The following SMAD1 variants were observed in gnomAD, a reference collection of about 807,000 sequenced individuals.
SMAD1 encodes MAD, mothers against decapentaplegic homolog 1.
In SMAD1, 6 loss-of-function variants were observed where a neutral mutation model predicts 41.6. That is an observed-to-expected ratio of 0.14 (90% CI 0.08 to 0.28). The LOEUF is 0.28. Ranked by LOEUF, SMAD1 falls within the 10% of genes least tolerant of loss-of-function variation. SMAD1 has a pLI of 1.00. For synonymous variants in SMAD1, 206 were observed against 203.2 expected (o/e 1.01, Z -0.12); for missense variants, 379 against 582.6 (o/e 0.65, Z 3.60).
chr4:145,530,427 G>A (rs1287323320), intron 2 of SMAD1, among the ~76,000 whole-genome samples: 1 of 152,148 alleles, frequency 6.6e-6, no homozygotes, highest in African/African-American at 2.4e-5. Context: ...GACGTTCTGT[G>A]GGTGCCCAGA....
At chr4:145,485,294 T>C (rs529697373) in intron 1 of SMAD1, among the ~76,000 whole-genome samples, 1 of 152,338 alleles carries the variant, frequency 6.6e-6, no homozygotes, top group South Asian at 2.1e-4. Flanking sequence ...CAGGCTGGTC[T>C]TGAACTCCTG....
At chr4:145,542,467 G>A in intron 3 of SMAD1, 115 bp from the exon 4 acceptor site, 1 of 592,172 alleles carries the variant, frequency 1.7e-6, no homozygotes, top group Middle Eastern at 3.9e-4. Context: ...TCTTTTAATG[G>A]GGAGATTGAA....
rs1732942368 is a variant in SMAD1 at position 145,557,996 on chromosome 4, G to C, written c.*62G>C. 7.7e-7 allele frequency: 1 copy of C among 1,295,832 alleles called. No homozygotes were observed. The highest frequency in any genetic ancestry group is 1.8e-5 in the South Asian group (1 of 55,852). 80.3% of individuals were successfully genotyped at this position (1,295,832 alleles called of 1,614,324 possible). On this transcript the variant is annotated 3_prime_UTR_variant, in exon 7 of 7. Transcript: ENST00000302085. The stretch of plus-strand genomic sequence containing the variant: ...CCTTGCATGTACTTGAAGGATGGAT[G>C]AGTCAGACACGATTGAGAACTGACA...
intron 2 of SMAD1, among the ~76,000 whole-genome samples, chr4:145,537,939 A>G (rs1731704551): frequency 6.6e-6 from 1 of 152,178 alleles, no homozygotes; most frequent in Non-Finnish European, 1.5e-5. Flanking sequence ...TTATTTTTGC[A>G]CCAACCTTAA....
chr4:145,497,640 GT>G (rs1291281557), intron 1 of SMAD1: 1 of 152,166 alleles, frequency 6.6e-6, no homozygotes, highest in Non-Finnish European at 1.5e-5. Context: ...ATTGTCTTGG[GT>G]TTTTCCATTG....
chr4:145,550,374 G>A (rs1261236150), intron 5 of SMAD1, among the ~76,000 whole-genome samples: 1 of 152,136 alleles, frequency 6.6e-6, no homozygotes, highest in Admixed American at 6.6e-5. Context: ...TTAGCCAGGT[G>A]TGGTGGCACA....
intron 1 of SMAD1, chr4:145,483,118 C>T (rs1364171862): frequency 1.3e-5 from 2 of 152,126 alleles, no homozygotes; most frequent in Non-Finnish European, 2.9e-5. Flanking sequence ...AGTAAAGGCG[C>T]GTTCCTTCTG....
intron 6 of SMAD1, among the ~76,000 whole-genome samples, chr4:145,556,866 C>T (rs1578838755): frequency 6.6e-6 from 1 of 152,076 alleles, no homozygotes; most frequent in Non-Finnish European, 1.5e-5. Flanking sequence ...TTAGTAGAGA[C>T]GGGGTTTCAC....
intron 2 of SMAD1, among the ~76,000 whole-genome samples, chr4:145,528,406 CTTTT>C (rs1731150464): frequency 6.6e-6 from 1 of 151,738 alleles, no homozygotes; most frequent in Non-Finnish European, 1.5e-5. Flanking sequence ...CCCGGCCTAA[CTTTT>C]GTATTTTTTA....
At chr4:145,491,016 T>TG (rs1560721670) in intron 1 of SMAD1, among the ~76,000 whole-genome samples, 1 of 152,124 alleles carries the variant, frequency 6.6e-6, no homozygotes, top group Admixed American at 6.5e-5. Context: ...TTTATGCCAC[T>TG]GGGGGGAGGG....
At chr4:145,533,681 C>G (rs1335031919) in intron 2 of SMAD1, among the ~76,000 whole-genome samples, 1 of 152,118 alleles carries the variant, frequency 6.6e-6, no homozygotes, top group Non-Finnish European at 1.5e-5. Context: ...GGCAACATAG[C>G]AAGACCCCAG....
chr4:145,487,218 T>C (rs769157788), intron 1 of SMAD1, among the ~76,000 whole-genome samples: 4 of 152,226 alleles, frequency 2.6e-5, no homozygotes, highest in Middle Eastern at 3.4e-3. Flanking sequence ...TAGCAAAATA[T>C]ACGAATCTCC....
chr4:145,484,096 C>T lies in SMAD1; in HGVS notation c.-177+2058C>T, dbSNP rs1480890530. ...TTCACTTTGTAATTTTGATTTCTAG[C>T]AATTCTGGGTTAAATATTAAATCTA... On this transcript the variant is annotated intron_variant, in intron 1 of 6. Coordinates refer to ENST00000302085, the MANE Select transcript of SMAD1 (RefSeq NM_005900.3). Among the ~76,000 whole-genome samples the T allele has an allele frequency of 3.9e-5, 6 of 152,208 alleles. No individual in the cohort carries two copies. The South Asian group carries it at 1.2e-3, about 32-fold the overall frequency.
intron 2 of SMAD1, among the ~76,000 whole-genome samples, chr4:145,538,084 A>G (rs933548349): frequency 1.3e-5 from 2 of 152,212 alleles, no homozygotes; most frequent in African/African-American, 4.8e-5. Flanking sequence ...GGTAAAAATC[A>G]TAATTGAGAC....
chr4:145,553,670 A>G, intron 5 of SMAD1, 114 bp from the exon 6 acceptor site: 1 of 966,876 alleles, frequency 1.0e-6, no homozygotes, highest in South Asian at 1.5e-5. Flanking sequence ...ATAGCTAGCT[A>G]ACTAGCCAAA....
chr4:145,531,539 G>C (rs558114206), intron 2 of SMAD1, among the ~76,000 whole-genome samples: 1 of 152,190 alleles, frequency 6.6e-6, no homozygotes, highest in East Asian at 1.9e-4. Flanking sequence ...GCTGAGCTTT[G>C]GACATTACAA....
chr4:145,502,246 A>G (rs17020248), intron 1 of SMAD1, among the ~76,000 whole-genome samples: 30,112 of 152,102 alleles, frequency 0.2, 6,983 homozygotes, highest in African/African-American at 0.56. Flanking sequence ...CTTTATCAGG[A>G]TGAGCTTATG....
At chr4:145,490,936 A>G (rs577240559) in intron 1 of SMAD1, among the ~76,000 whole-genome samples, 3 of 152,210 alleles carry the variant, frequency 2.0e-5, no homozygotes, top group South Asian at 2.1e-4. Context: ...CATTAAACCA[A>G]TATGTGCTTA....
At chr4:145,535,826 AC>A (rs1196629786) in intron 2 of SMAD1, among the ~76,000 whole-genome samples, 3 of 152,088 alleles carry the variant, frequency 2.0e-5, no homozygotes, top group African/African-American at 7.2e-5. Flanking sequence ...AACTCCTAAA[AC>A]TAAGCGCAAA....
Sources: allele counts gnomAD v4.1 joint callset (sites outside exome capture counted in the v4.1 genomes callset), GRCh38; gene constraint gnomAD v4.1.1; transcripts MANE v1.5; gene names NCBI Gene and HGNC (gene_info 2026-07-23, HGNC 2026-07-21).